FAM227B: variants seen among roughly 807,000 people sequenced by gnomAD.
FAM227B encodes family with sequence similarity 227 member B.
Under a neutral mutation model 73.8 loss-of-function variants are expected in FAM227B, and 88 were observed. The observed-to-expected ratio is 1.19, with a 90% confidence interval of 1.00 to 1.42. The LOEUF is 1.42. Ranked by LOEUF, FAM227B falls within the 40% of genes most tolerant of loss-of-function variation. The pLI is 0.00. For synonymous variants in FAM227B, 210 were observed against 190.5 expected (o/e 1.10, Z -0.84); for missense variants, 632 against 590.9 (o/e 1.07, Z -0.72).
intron 8 of FAM227B, among the ~76,000 whole-genome samples, chr15:49,571,966 C>A (rs1425426219): frequency 1.3e-5 from 2 of 151,970 alleles, no homozygotes; most frequent in African/African-American, 2.4e-5. Context: ...AATACTAATT[C>A]TTTCAATCTA....
At chr15:49,619,012 C>T (rs2078478542) in intron 1 of FAM227B, among the ~76,000 whole-genome samples, 1 of 152,150 alleles carries the variant, frequency 6.6e-6, no homozygotes, top group Non-Finnish European at 1.5e-5. Context: ...TGATACATGT[C>T]ATTTTTAGAG....
chr15:49,587,418 A>G (rs1224990976), intron 5 of FAM227B, among the ~76,000 whole-genome samples: 1 of 152,148 alleles, frequency 6.6e-6, no homozygotes, highest in African/African-American at 2.4e-5. Context: ...TAATCTGTAC[A>G]GCAAACCCGC....
chr15:49,580,807 G>C (rs2075761671), intron 5 of FAM227B, among the ~76,000 whole-genome samples: 1 of 152,198 alleles, frequency 6.6e-6, no homozygotes, highest in Non-Finnish European at 1.5e-5. Flanking sequence ...AACTGACAGA[G>C]CTGAAAAACA....
intron 15 of FAM227B, chr15:49,329,667 G>T: frequency 1.0e-6 from 1 of 983,498 alleles, no homozygotes; most frequent in Non-Finnish European, 1.2e-6. Flanking sequence ...TTTGTTAAAA[G>T]AATTTTGAGT....
intron 11 of FAM227B, among the ~76,000 whole-genome samples, chr15:49,474,604 C>T (rs1045684790): frequency 2.6e-5 from 4 of 152,050 alleles, no homozygotes; most frequent in Non-Finnish European, 5.9e-5. Context: ...ATAGCTATTT[C>T]AAGGAATAAA....
intron 11 of FAM227B, among the ~76,000 whole-genome samples, chr15:49,373,638 A>G (rs976650548): frequency 6.6e-6 from 1 of 152,140 alleles, no homozygotes; most frequent in East Asian, 1.9e-4. Flanking sequence ...TCATTGGGAA[A>G]ATTTCATTTC....
intron 11 of FAM227B, chr15:49,422,666 T>A (rs2049787951): frequency 1.8e-6 from 2 of 1,098,808 alleles, no homozygotes. Flanking sequence ...GTCATACTGG[T>A]CATTAGTGGT....
intron 11 of FAM227B, among the ~76,000 whole-genome samples, chr15:49,391,009 A>G (rs1171996324): frequency 6.6e-6 from 1 of 152,012 alleles, no homozygotes; most frequent in Non-Finnish European, 1.5e-5. Context: ...TTCAGACTAC[A>G]TATGTAGTTT....
chr15:49,598,061 C>T (rs1389403503), intron 3 of FAM227B, among the ~76,000 whole-genome samples: 2 of 151,696 alleles, frequency 1.3e-5, no homozygotes, highest in Non-Finnish European at 3.0e-5. Context: ...AGAATTGGTA[C>T]CAATTCTACT....
At chr15:49,558,790 T>C (rs1031828411) in intron 9 of FAM227B, among the ~76,000 whole-genome samples, 6 of 152,004 alleles carry the variant, frequency 3.9e-5, no homozygotes, top group African/African-American at 1.5e-4. Flanking sequence ...AGCCTGGAAA[T>C]TACCTACGTA....
At chr15:49,422,175 C>T (rs530191190) in intron 11 of FAM227B, among the ~76,000 whole-genome samples, 22 of 127,448 alleles carry the variant, frequency 1.7e-4, no homozygotes, top group African/African-American at 5.3e-4. Flanking sequence ...CGCGCGCGCG[C>T]GCGTGCACGC....
At position 49,375,504 on chromosome 15, in the gene FAM227B, A is replaced by ATT. The variant is rs35474058; in HGVS notation, c.1013-4107_1013-4106dup. On this transcript the variant is annotated intron_variant, in intron 11 of 15. Coordinates refer to ENST00000299338, the MANE Select transcript of FAM227B (RefSeq NM_152647.3). ...AAGTTATTATTTTTAAAGCATTTCTATTTTTTTTTATAAGAACCAAAGTGA... is the reference window on the plus strand; with the variant it reads ...AAGTTATTATTTTTAAAGCATTTCTATTTTTTTTTTTATAAGAACCAAAGTGA... Among the ~76,000 whole-genome samples the ATT allele has an allele frequency of 3.5e-3, 533 of 151,156 alleles. 3 individuals carry two copies. The highest frequency in any genetic ancestry group is 0.012 in the South Asian group (59 of 4,768).
At chr15:49,598,893 A>AT (rs2077033733) in intron 3 of FAM227B, among the ~76,000 whole-genome samples, 1 of 151,990 alleles carries the variant, frequency 6.6e-6, no homozygotes, top group South Asian at 2.1e-4. Flanking sequence ...ATCATAAGAG[A>AT]TAATGGTCCA....
chr15:49,550,701 G>A (rs377205514), intron 9 of FAM227B, among the ~76,000 whole-genome samples: 7,887 of 151,490 alleles, frequency 0.052, 347 homozygotes, highest in East Asian at 0.23. Flanking sequence ...GGGCAGAGAC[G>A]CTCCTCACTT....
intron 13 of FAM227B, among the ~76,000 whole-genome samples, chr15:49,354,287 G>A (rs575337860): frequency 2.0e-5 from 3 of 152,324 alleles, no homozygotes; most frequent in African/African-American, 7.2e-5. Flanking sequence ...AGCTCCCAGC[G>A]TGAGCGACGC....
In FAM227B at chr15:49,611,260, T is replaced by C. The variant is rs1372553646; in HGVS notation, c.60A>G (p.Gln20=). 10 of 1,585,692 alleles carry C rather than the reference T, an allele frequency of 6.3e-6. No individual in the cohort carries two copies. In the Admixed American group the frequency reaches 8.4e-5, roughly 13 times the overall value. ...RSSRAGPGKM[Q]EPPKSIEEFL... is the part of the protein sequence containing the mutation. ...ATTCTTCAATGCTCTTTGGAGGTTC[T>C]TGCATTTTCTAATAAAGTAATATCA... The change falls in exon 3 of 16, where the codon CAA becomes CAG. Residue 20 remains glutamine, a synonymous_variant. Coordinates refer to ENST00000299338, the MANE Select transcript of FAM227B (RefSeq NM_152647.3).
chr15:49,481,357 CAAATTT>C (rs1457410842), intron 11 of FAM227B, among the ~76,000 whole-genome samples: 2 of 152,162 alleles, frequency 1.3e-5, no homozygotes, highest in Non-Finnish European at 2.9e-5. Flanking sequence ...TTTATTAGTA[CAAATTT>C]AACCTAATAG....
chr15:49,495,846 AT>A (rs1757001922), intron 11 of FAM227B, among the ~76,000 whole-genome samples: 1 of 152,006 alleles, frequency 6.6e-6, no homozygotes. Flanking sequence ...CACATGGAGA[AT>A]CCCTGTCTCT....
intron 10 of FAM227B, among the ~76,000 whole-genome samples, chr15:49,533,882 G>A (rs770953516): frequency 1.8e-4 from 28 of 151,756 alleles, no homozygotes; most frequent in African/African-American, 5.6e-4. Flanking sequence ...TAATTGAAAC[G>A]TAAGGACTTA....
Sources: gnomAD v4.1 joint callset for allele counts (sites outside exome capture counted in the v4.1 genomes callset) on GRCh38, gnomAD v4.1.1 for gene constraint, MANE v1.5 for transcripts, NCBI Gene and HGNC (gene_info 2026-07-23, HGNC 2026-07-21) for gene names.